GDAP1: variants seen among roughly 807,000 people sequenced by gnomAD.
The protein encoded by GDAP1 is ganglioside induced differentiation associated protein 1.
A neutral mutation model predicts 40.1 loss-of-function variants in GDAP1; 34 were observed. The ratio of observed to expected loss-of-function variants is 0.85; its 90% CI spans 0.64 to 1.13. GDAP1 has a LOEUF of 1.13. Among genes scored for constraint, GDAP1 ranks in the 50% most tolerant of loss-of-function variants. The probability of loss-of-function intolerance (pLI) is 0.00; values close to 1 mark genes in which losing one functional copy is unlikely to be tolerated. For missense variants in GDAP1, 374 were observed against 433.7 expected (o/e 0.86, Z 1.22); for synonymous variants, 170 against 157.4 (o/e 1.08, Z -0.60).
intron 2 of GDAP1, among the ~76,000 whole-genome samples, chr8:74,378,232 G>A (rs1034799950): frequency 1.3e-5 from 2 of 152,164 alleles, no homozygotes; most frequent in Non-Finnish European, 2.9e-5. Context: ...CTGACTGTGG[G>A]ACTCAAAGAC....
chr8:74,356,810 G>A (rs1809124661), intron 2 of GDAP1, among the ~76,000 whole-genome samples: 1 of 150,120 alleles, frequency 6.7e-6, no homozygotes, highest in African/African-American at 2.4e-5. Context: ...CACCTCCTGG[G>A]TTCAAGCGAT....
chr8:74,472,613 T>C (rs903385135), intron 2 of GDAP1, among the ~76,000 whole-genome samples: 1 of 152,216 alleles, frequency 6.6e-6, no homozygotes, highest in Non-Finnish European at 1.5e-5. Context: ...TTTTTTGACT[T>C]TTTAATAATA....
intron 2 of GDAP1, among the ~76,000 whole-genome samples, chr8:74,465,550 C>G (rs1221213530): frequency 5.9e-5 from 9 of 152,148 alleles, no homozygotes; most frequent in Admixed American, 5.9e-4. Flanking sequence ...CAGTCTCCAT[C>G]GAGCAGCTTG....
At chr8:74,483,676 G>A (rs1806741069) in intron 2 of GDAP1, among the ~76,000 whole-genome samples, 1 of 152,058 alleles carries the variant, frequency 6.6e-6, no homozygotes, top group South Asian at 2.1e-4. Context: ...TTGGCCAGAA[G>A]GATCTTTCCA....
intron 2 of GDAP1, among the ~76,000 whole-genome samples, chr8:74,487,107 T>C (rs925789204): frequency 7.9e-5 from 12 of 152,160 alleles, no homozygotes; most frequent in African/African-American, 2.9e-4. Context: ...TAAAAGACCA[T>C]GGCACAGTGC....
chr8:74,484,508 T>C (rs1175454355), intron 2 of GDAP1, among the ~76,000 whole-genome samples: 1 of 152,218 alleles, frequency 6.6e-6, no homozygotes, highest in East Asian at 1.9e-4. Flanking sequence ...TTTTATGATA[T>C]ATAGCTATGA....
At chr8:74,468,880 T>C (rs1806508033) in intron 2 of GDAP1, among the ~76,000 whole-genome samples, 1 of 152,192 alleles carries the variant, frequency 6.6e-6, no homozygotes, top group African/African-American at 2.4e-5. Context: ...TCTCCTGTTG[T>C]CTTTAGTGGG....
chr8:74,416,068 T>C (rs1325130222), intron 2 of GDAP1, among the ~76,000 whole-genome samples: 1 of 149,820 alleles, frequency 6.7e-6, no homozygotes, highest in African/African-American at 2.5e-5. Flanking sequence ...AGAACCTAAC[T>C]AGCTGCTGCT....
chr8:74,383,708 A>C (rs1809987095), intron 2 of GDAP1, among the ~76,000 whole-genome samples: 1 of 151,628 alleles, frequency 6.6e-6, no homozygotes, highest in Non-Finnish European at 1.5e-5. Flanking sequence ...TCTTTTCCAT[A>C]CTCTCTCCAT....
At chr8:74,461,018 C>T (rs1056480652) in intron 2 of GDAP1, among the ~76,000 whole-genome samples, 2 of 152,186 alleles carry the variant, frequency 1.3e-5, no homozygotes, top group Non-Finnish European at 2.9e-5. Context: ...TGGGCTTTCC[C>T]TACAGAACAT....
chr8:74,446,317 C>G (rs1400672623), intron 2 of GDAP1, among the ~76,000 whole-genome samples: 1 of 152,058 alleles, frequency 6.6e-6, no homozygotes, highest in Non-Finnish European at 1.5e-5. Context: ...CAGAAAAAAT[C>G]CTTTTCTTTC....
chr8:74,389,806 G>GT (rs1343578473), intron 2 of GDAP1, among the ~76,000 whole-genome samples: 4 of 152,114 alleles, frequency 2.6e-5, no homozygotes, highest in Non-Finnish European at 5.9e-5. Context: ...TCACTTTCAG[G>GT]TACACCAATC....
At chr8:74,458,960 A>G (rs1806369001) in intron 2 of GDAP1, among the ~76,000 whole-genome samples, 1 of 152,122 alleles carries the variant, frequency 6.6e-6, no homozygotes, top group Non-Finnish European at 1.5e-5. Context: ...TCAATTTCAG[A>G]TTTTTGGCCT....
intron 2 of GDAP1, among the ~76,000 whole-genome samples, chr8:74,462,834 T>C (rs1806417159): frequency 6.6e-6 from 1 of 151,914 alleles, no homozygotes; most frequent in Non-Finnish European, 1.5e-5. Context: ...TTTAAGAATC[T>C]AGTAGATTAG....
At chr8:74,397,980 A>T (rs1810239075) in intron 2 of GDAP1, among the ~76,000 whole-genome samples, 2 of 151,650 alleles carry the variant, frequency 1.3e-5, no homozygotes, top group Non-Finnish European at 2.9e-5. Flanking sequence ...GATTCTTCCT[A>T]CCCATGAGCA....
At chr8:74,381,840 G>A (rs971097985) in intron 2 of GDAP1, among the ~76,000 whole-genome samples, 1 of 151,664 alleles carries the variant, frequency 6.6e-6, no homozygotes, top group Non-Finnish European at 1.5e-5. Context: ...CTGGAGAGGC[G>A]ATTGGAATTC....
intron 2 of GDAP1, among the ~76,000 whole-genome samples, chr8:74,450,522 G>A (rs1277482431): frequency 6.6e-6 from 1 of 151,758 alleles, no homozygotes; most frequent in African/African-American, 2.4e-5. Flanking sequence ...CTGTATATTA[G>A]ATGTATTAAA....
chr8:74,399,441 T>C (rs1159506774), intron 2 of GDAP1, among the ~76,000 whole-genome samples: 1 of 149,606 alleles, frequency 6.7e-6, no homozygotes, highest in East Asian at 1.9e-4. Flanking sequence ...CTTCTCTCTT[T>C]TCTCCTTTAT....
At chr8:74,466,547 G>A (rs1806472082) in intron 2 of GDAP1, among the ~76,000 whole-genome samples, 1 of 152,194 alleles carries the variant, frequency 6.6e-6, no homozygotes, top group Non-Finnish European at 1.5e-5. Context: ...TGAAGATAGA[G>A]CTTGCAAGAT....
Sources: gnomAD v4.1 joint callset for allele counts (sites outside exome capture counted in the v4.1 genomes callset) on GRCh38, gnomAD v4.1.1 for gene constraint, MANE v1.5 for transcripts, NCBI Gene and HGNC (gene_info 2026-07-23, HGNC 2026-07-21) for gene names.